Variants in IL1RAPL2 observed in about 807,000 individuals in gnomAD.
IL1RAPL2 encodes X-linked interleukin-1 receptor accessory protein-like 2.
Under a neutral mutation model 44.1 loss-of-function variants are expected in IL1RAPL2, and 3 were observed. The observed-to-expected ratio is 0.07, with a 90% CI of 0.03 to 0.18. The LOEUF (loss-of-function observed/expected upper bound fraction) is 0.18. IL1RAPL2 is among the 10% of genes least tolerant of loss of function. The probability of loss-of-function intolerance (pLI) is 1.00; values close to 1 mark genes in which losing one functional copy is unlikely to be tolerated. For synonymous variants in IL1RAPL2, 181 were observed against 178.8 expected, an observed-to-expected ratio of 1.01 and a Z score of -0.10; for missense variants, 391 against 496.4, an observed-to-expected ratio of 0.79 and a Z score of 2.02.
At chrX:105,353,779 T>G (rs2147706383) in intron 5 of IL1RAPL2, among the ~76,000 whole-genome samples, 1 of 111,607 alleles carries the variant, frequency 9.0e-6, no homozygotes, top group South Asian at 3.8e-4. Flanking sequence ...TGCACATTGA[T>G]TTTGTATCCT....
intron 3 of IL1RAPL2, among the ~76,000 whole-genome samples, chrX:105,207,746 T>G (rs990836312): frequency 1.8e-5 from 2 of 111,906 alleles, no homozygotes; most frequent in African/African-American, 3.2e-5. Flanking sequence ...CACAATAAAA[T>G]CTCAGGAACT....
At chrX:105,530,029 G>A (rs2036621774) in intron 6 of IL1RAPL2, among the ~76,000 whole-genome samples, 1 of 112,011 alleles carries the variant, frequency 8.9e-6, no homozygotes, top group Non-Finnish European at 1.9e-5. Flanking sequence ...TATGAACATT[G>A]GTGTGCAAAT....
chrX:105,329,606 G>C (rs2034970033), intron 5 of IL1RAPL2, among the ~76,000 whole-genome samples: 1 of 111,623 alleles, frequency 9.0e-6, no homozygotes, highest in South Asian at 3.7e-4. Context: ...CAAATGCATT[G>C]TGAAGAATTA....
chrX:105,388,210 C>T (rs1296875104), intron 5 of IL1RAPL2, among the ~76,000 whole-genome samples: 2 of 79,527 alleles, frequency 2.5e-5, no homozygotes, highest in African/African-American at 4.4e-5. Context: ...TAAAATAAAC[C>T]GTTCTATGAA....
intron 5 of IL1RAPL2, among the ~76,000 whole-genome samples, chrX:105,273,118 C>G (rs754170566): frequency 1.8e-5 from 2 of 111,460 alleles, no homozygotes; most frequent in East Asian, 5.7e-4. Flanking sequence ...CCATAATAAT[C>G]ATAAAAAGGG....
In IL1RAPL2 at chrX:105,508,024, A is replaced by G. The variant is rs749922626; in HGVS notation, c.772+23637A>G. Among the ~76,000 whole-genome samples the G allele has an allele frequency of 4.5e-5, 5 of 111,322 alleles. No homozygotes were observed. The Admixed American group carries it at 4.8e-4, about 11-fold the overall frequency. On this transcript the variant is annotated intron_variant, in intron 6 of 10. Coordinates refer to ENST00000372582, the MANE Select transcript of IL1RAPL2 (RefSeq NM_017416.2). ...ATCCTATTAGGCCCCAGCCACTGCA[A>G]TAGATCTCCTAAAGCTCTGCAGAGT...
intron 1 of IL1RAPL2, among the ~76,000 whole-genome samples, chrX:104,617,726 A>T (rs892968731): frequency 9.0e-6 from 1 of 111,699 alleles, no homozygotes; most frequent in African/African-American, 3.3e-5. Flanking sequence ...TAAAATGTTT[A>T]TCTCTTCCTT....
intron 6 of IL1RAPL2, among the ~76,000 whole-genome samples, chrX:105,619,132 A>G (rs1028511199): frequency 4.5e-5 from 5 of 111,272 alleles, no homozygotes; most frequent in African/African-American, 1.6e-4. Flanking sequence ...AGAAAAAAAA[A>G]GCAGAGAAAT....
At chrX:104,601,118 C>T (rs1048311400) in intron 1 of IL1RAPL2, among the ~76,000 whole-genome samples, 1 of 111,540 alleles carries the variant, frequency 9.0e-6, no homozygotes, top group Non-Finnish European at 1.9e-5. Flanking sequence ...ATATGCAAAC[C>T]ATGGAGCAAT....
At chrX:104,817,697 T>C (rs1197454951) in intron 2 of IL1RAPL2, among the ~76,000 whole-genome samples, 1 of 112,016 alleles carries the variant, frequency 8.9e-6, no homozygotes, top group Admixed American at 9.5e-5. Flanking sequence ...TCAATTTTCT[T>C]ATCTATAAAA....
intron 6 of IL1RAPL2, among the ~76,000 whole-genome samples, chrX:105,486,660 C>T (rs2036269057): frequency 9.0e-6 from 1 of 110,907 alleles, no homozygotes; most frequent in South Asian, 3.8e-4. Context: ...CATTAGTTTA[C>T]ATGGAAATTC....
intron 6 of IL1RAPL2, among the ~76,000 whole-genome samples, chrX:105,711,092 C>G (rs1464402601): frequency 9.2e-6 from 1 of 108,783 alleles, no homozygotes; most frequent in Non-Finnish European, 1.9e-5. Flanking sequence ...GAAGCTACAC[C>G]CGGGGATCAC....
chrX:104,578,109 T>C (rs6523783), intron 1 of IL1RAPL2, among the ~76,000 whole-genome samples: 17,990 of 111,336 alleles, frequency 0.16, 3,631 homozygotes, highest in African/African-American at 0.56. Flanking sequence ...ACATTAGTAG[T>C]GATAAACATA....
At chrX:105,019,582 A>G (rs2031248044) in intron 2 of IL1RAPL2, among the ~76,000 whole-genome samples, 1 of 111,489 alleles carries the variant, frequency 9.0e-6, no homozygotes, top group South Asian at 3.7e-4. Flanking sequence ...GGAATGTCTT[A>G]TTGCTTGCTA....
intron 1 of IL1RAPL2, among the ~76,000 whole-genome samples, chrX:104,622,645 A>G (rs1424080452): frequency 9.0e-6 from 1 of 110,866 alleles, no homozygotes; most frequent in Non-Finnish European, 1.9e-5. Context: ...CTGGGGGACA[A>G]TGGTCAAGGT....
At chrX:105,721,254 G>GA (rs1280024164) in intron 7 of IL1RAPL2, among the ~76,000 whole-genome samples, 1 of 110,117 alleles carries the variant, frequency 9.1e-6, no homozygotes, top group Non-Finnish European at 1.9e-5. Flanking sequence ...CGTCTCTACT[G>GA]AAAATACAAA....
intron 2 of IL1RAPL2, among the ~76,000 whole-genome samples, chrX:105,064,263 C>A (rs979607762): frequency 8.9e-6 from 1 of 112,144 alleles, no homozygotes; most frequent in African/African-American, 3.2e-5. Flanking sequence ...CCATGAGATG[C>A]AATCCTTCCC....
intron 2 of IL1RAPL2, among the ~76,000 whole-genome samples, chrX:104,847,791 C>T (rs1922097603): frequency 8.9e-6 from 1 of 111,740 alleles, no homozygotes; most frequent in Admixed American, 9.5e-5. Flanking sequence ...GGCAGTATTG[C>T]CATTTTCACG....
At chrX:104,988,167 C>T (rs1202088999) in intron 2 of IL1RAPL2, among the ~76,000 whole-genome samples, 1 of 112,322 alleles carries the variant, frequency 8.9e-6, no homozygotes, top group South Asian at 3.7e-4. Context: ...TGTAGGGATA[C>T]ATGCCTTAGC....
Sources: gnomAD v4.1 joint callset for allele counts (sites outside exome capture counted in the v4.1 genomes callset) on GRCh38, gnomAD v4.1.1 for gene constraint, MANE v1.5 for transcripts, NCBI Gene and HGNC (gene_info 2026-07-23, HGNC 2026-07-21) for gene names.